Variants in CDH13 observed in about 807,000 individuals in gnomAD.
The protein encoded by CDH13 is cadherin-13.
A neutral mutation model predicts 63.8 loss-of-function variants in CDH13; 24 were observed. That is an observed-to-expected ratio of 0.38 (90% CI 0.27 to 0.53). The LOEUF is 0.53. CDH13 is among the 20% of genes least tolerant of loss of function. The pLI, the probability that CDH13 is intolerant of heterozygous loss-of-function variation, is 0.85. For missense variants in CDH13, 1,049 were observed against 903.1 expected (o/e 1.16, Z -2.07); for synonymous variants, 503 against 355.3 (o/e 1.42, Z -4.67).
At chr16:82,801,389 G>C (rs1226620305) in intron 1 of CDH13, among the ~76,000 whole-genome samples, 1 of 152,146 alleles carries the variant, frequency 6.6e-6, no homozygotes, top group Non-Finnish European at 1.5e-5. Flanking sequence ...AATGCTTTAA[G>C]GAAAAATACT....
intron 10 of CDH13, among the ~76,000 whole-genome samples, chr16:83,707,633 A>G (rs993833205): frequency 5.3e-5 from 8 of 152,026 alleles, no homozygotes; most frequent in Non-Finnish European, 1.0e-4. Flanking sequence ...CTGAGTTCCT[A>G]TAAGACAGAG....
chr16:82,738,718 T>C (rs1378232164), intron 1 of CDH13, among the ~76,000 whole-genome samples: 1 of 152,256 alleles, frequency 6.6e-6, no homozygotes, highest in Non-Finnish European at 1.5e-5. Flanking sequence ...GTGCATTCTC[T>C]AGTGCATTTG....
At chr16:83,782,736 GAAA>G (rs3055230) in intron 12 of CDH13, among the ~76,000 whole-genome samples, 14 of 99,060 alleles carry the variant, frequency 1.4e-4, no homozygotes, top group East Asian at 4.9e-4. Flanking sequence ...ACCCTGTCTC[GAAA>G]AAAAAAAAAA....
At chr16:82,640,976 G>C (rs116736077) in intron 1 of CDH13, among the ~76,000 whole-genome samples, 2,140 of 152,272 alleles carry the variant, frequency 0.014, 58 homozygotes, top group African/African-American at 0.05. Context: ...GGGTTCAGGG[G>C]GTTAAGTTGG....
chr16:83,203,468 T>G (rs866342561), intron 4 of CDH13, among the ~76,000 whole-genome samples: 1 of 151,714 alleles, frequency 6.6e-6, no homozygotes, highest in Non-Finnish European at 1.5e-5. Context: ...GGGCGGATCA[T>G]GAGGTTAGGA....
intron 1 of CDH13, among the ~76,000 whole-genome samples, chr16:82,845,979 T>G (rs2039239950): frequency 6.6e-6 from 1 of 152,218 alleles, no homozygotes; most frequent in South Asian, 2.1e-4. Context: ...AGACAAAAAT[T>G]GTGATTTCAC....
intron 6 of CDH13, among the ~76,000 whole-genome samples, chr16:83,358,355 C>T (rs2091097003): frequency 6.6e-6 from 1 of 152,172 alleles, no homozygotes; most frequent in Admixed American, 6.5e-5. Context: ...AGAACTCAAG[C>T]AGCCACCTTG....
At chr16:82,756,822 C>A (rs2151077252) in intron 1 of CDH13, among the ~76,000 whole-genome samples, 1 of 152,236 alleles carries the variant, frequency 6.6e-6, no homozygotes, top group East Asian at 1.9e-4. Context: ...ATGAGAGAGA[C>A]AGACTGTCAC....
chr16:83,142,830 C>T (rs2036592644), intron 4 of CDH13, among the ~76,000 whole-genome samples: 1 of 152,138 alleles, frequency 6.6e-6, no homozygotes, highest in East Asian at 1.9e-4. Context: ...GGGCCGGGCG[C>T]AGTGGCTTAT....
At chr16:82,634,771 A>T (rs3852728) in intron 1 of CDH13, among the ~76,000 whole-genome samples, 4 of 152,110 alleles carry the variant, frequency 2.6e-5, no homozygotes, top group Admixed American at 1.3e-4. Flanking sequence ...CTCAAATAAG[A>T]GGGGCCTGAG....
intron 5 of CDH13, among the ~76,000 whole-genome samples, chr16:83,301,943 A>G (rs1299083224): frequency 6.6e-6 from 1 of 151,456 alleles, no homozygotes; most frequent in Non-Finnish European, 1.5e-5. Context: ...TGAAAGATCA[A>G]TGAGACTTCA....
intron 9 of CDH13, 133 bp downstream of exon 9, chr16:83,671,105 G>C: frequency 1.3e-6 from 1 of 773,624 alleles, no homozygotes; most frequent in Non-Finnish European, 2.1e-6. Context: ...AATTAACAAA[G>C]GAAAAGGCTC....
chr16:82,639,411 T>C (rs1909107372), intron 1 of CDH13: 1 of 1,532,708 alleles, frequency 6.5e-7, no homozygotes, highest in Non-Finnish European at 8.7e-7. Context: ...AACATCCCAG[T>C]GAGAATGGCC....
chr16:83,702,572 C>G (rs561357568), intron 10 of CDH13, among the ~76,000 whole-genome samples: 1 of 152,296 alleles, frequency 6.6e-6, no homozygotes, highest in Non-Finnish European at 1.5e-5. Context: ...GCATTAGAAA[C>G]TGAGAAGTTC....
chr16:83,336,886 T>C (rs2090609873), intron 5 of CDH13, among the ~76,000 whole-genome samples: 1 of 152,214 alleles, frequency 6.6e-6, no homozygotes, highest in South Asian at 2.1e-4. Context: ...TTCTGCATTT[T>C]GGCCTTCACC....
chr16:83,594,523 C>A (rs1398570517), intron 7 of CDH13, among the ~76,000 whole-genome samples: 1 of 152,078 alleles, frequency 6.6e-6, no homozygotes, highest in African/African-American at 2.4e-5. Flanking sequence ...TGACCATCAG[C>A]AAAGGAGCAG....
chr16:83,732,423 G>T (rs182781552), intron 10 of CDH13, among the ~76,000 whole-genome samples: 25 of 152,262 alleles, frequency 1.6e-4, no homozygotes, highest in African/African-American at 5.3e-4. Flanking sequence ...TGAGTTGATG[G>T]TGGGAGGTGA....
chr16:83,511,084 G>C (rs550934127), intron 7 of CDH13, among the ~76,000 whole-genome samples: 4 of 103,232 alleles, frequency 3.9e-5, no homozygotes, highest in Admixed American at 3.1e-4. Context: ...ATGCACGCAT[G>C]CACACACACA....
At chr16:83,766,315 A>G (rs1220871008) in intron 11 of CDH13, among the ~76,000 whole-genome samples, 1 of 152,244 alleles carries the variant, frequency 6.6e-6, no homozygotes, top group East Asian at 1.9e-4. Context: ...GAAGAGCCAT[A>G]CATATTTGTT....
Sources: allele counts gnomAD v4.1 joint callset (sites outside exome capture counted in the v4.1 genomes callset), GRCh38; gene constraint gnomAD v4.1.1; transcripts MANE v1.5; gene names NCBI Gene and HGNC (gene_info 2026-07-23, HGNC 2026-07-21).